CEBPZ: variants seen among roughly 807,000 people sequenced by gnomAD.
The protein encoded by CEBPZ is CCAAT enhancer binding protein zeta.
A neutral mutation model predicts 104.5 loss-of-function variants in CEBPZ; 78 were observed. The observed-to-expected ratio is 0.75, with a 90% CI of 0.62 to 0.90. CEBPZ has a LOEUF of 0.90. Ranked by LOEUF, CEBPZ falls within the 40% of genes least tolerant of loss-of-function variation. The pLI, the probability that CEBPZ is intolerant of heterozygous loss-of-function variation, is 0.00. For synonymous variants in CEBPZ, 470 were observed against 427.0 expected, an observed-to-expected ratio of 1.10 and a Z score of -1.24; for missense variants, 1,439 against 1,233.5, an observed-to-expected ratio of 1.17 and a Z score of -2.50.
chr2:37,209,052 A>AG (rs1677633467), intron 13 of CEBPZ: 1 of 125,698 alleles, frequency 8.0e-6, no homozygotes, highest in South Asian at 2.4e-4. Flanking sequence ...CCTGCCAAAA[A>AG]AAAAAAAAAT....
chr2:37,213,691 G>C, intron 10 of CEBPZ, 173 bp downstream of exon 10: 2 of 526,586 alleles, frequency 3.8e-6, no homozygotes, highest in Non-Finnish European at 6.6e-6. Flanking sequence ...TGGGATTACA[G>C]GTGTGAGCCA....
chr2:37,207,807 G>T (rs1677589269), intron 13 of CEBPZ, among the ~76,000 whole-genome samples: 1 of 152,020 alleles, frequency 6.6e-6, no homozygotes, highest in Non-Finnish European at 1.5e-5. Flanking sequence ...AAATATCAGA[G>T]CAGAACTAAA....
Position 37,228,347 on chromosome 2 carries a change from G to A in CEBPZ, c.846C>T (p.Cys282=), listed in dbSNP as rs1398929919. 1.2e-6 allele frequency: 2 copies of A among 1,614,168 alleles called. No individual in the cohort carries two copies. The highest frequency in any genetic ancestry group is 2.2e-5 in the East Asian group (1 of 44,890). ...LVKKKGSKQQ[C]LMALDTFKEL... Reference sequence around the variant, plus strand: ...CTTTGAAAGTATCCAAGGCCATAAGGCACTGCTGTTTGCTGCCCTTCTTTT... The same window carrying A: ...CTTTGAAAGTATCCAAGGCCATAAGACACTGCTGTTTGCTGCCCTTCTTTT... The change falls in exon 2 of 16, where the codon TGC becomes TGT. Residue 282 remains cysteine, a synonymous_variant. Transcript: ENST00000234170.
intron 4 of CEBPZ, among the ~76,000 whole-genome samples, chr2:37,220,689 A>G (rs149927239): frequency 2.0e-5 from 3 of 152,260 alleles, no homozygotes; most frequent in Admixed American, 6.5e-5. Context: ...TTTATCCCAA[A>G]CACCAAAAGC....
At chr2:37,211,576 A>G in intron 12 of CEBPZ, 1 of 360,094 alleles carries the variant, frequency 2.8e-6, no homozygotes, top group South Asian at 8.7e-5. Flanking sequence ...GCAGCATTTC[A>G]GCTCAACATG....
At position 37,202,874 on chromosome 2, in the gene CEBPZ, C is replaced by G. The variant is rs753932271; in HGVS notation, c.2944-9G>C. The stretch of plus-strand genomic sequence containing the variant: ...TCCAATAGATGGCCAAACTTTTAAA[C>G]AAAAACGATAAATTTATTAGAAAAC... On this transcript the variant is annotated splice_polypyrimidine_tract_variant and intron_variant, in intron 14 of 15. Coordinates refer to ENST00000234170, the MANE Select transcript of CEBPZ (RefSeq NM_005760.3). 6.3e-7 allele frequency: 1 copy of G among 1,596,104 alleles called. No homozygotes were observed. Among genetic ancestry groups the G allele is most frequent in the African/African-American group, 1.4e-5 (1 of 74,058 alleles).
chr2:37,226,699 T>C (rs1018473597), intron 2 of CEBPZ, among the ~76,000 whole-genome samples: 1 of 152,160 alleles, frequency 6.6e-6, no homozygotes, highest in South Asian at 2.1e-4. Context: ...AAGTCTAAGA[T>C]ACGAACCACT....
intron 13 of CEBPZ, 193 bp from the exon 14 acceptor site, chr2:37,203,201 C>T (rs1677365632): frequency 4.8e-6 from 2 of 419,624 alleles, no homozygotes. Context: ...AAGCTAACAA[C>T]ATCCTAATAG....
intron 13 of CEBPZ, chr2:37,210,075 A>G (rs1404444790): frequency 6.6e-6 from 1 of 152,216 alleles, no homozygotes; most frequent in Non-Finnish European, 1.5e-5. Flanking sequence ...CCACAGTGCA[A>G]TACCACCTTA....
chr2:37,215,173 G>A, intron 8 of CEBPZ: 1 of 427,306 alleles, frequency 2.3e-6, no homozygotes, highest in South Asian at 4.1e-5. Flanking sequence ...GCATAAAGTA[G>A]GCAGTACATA....
chr2:37,214,986 A>G, intron 8 of CEBPZ, 34 bp from the exon 9 acceptor site: 1 of 1,325,740 alleles, frequency 7.5e-7, no homozygotes. Flanking sequence ...TTAACTTCAT[A>G]TAGCAATCCC....
At chr2:37,223,544 AG>A (rs898948848) in intron 2 of CEBPZ, 143 bp from the exon 3 acceptor site, 65 of 685,960 alleles carry the variant, frequency 9.5e-5, no homozygotes, top group Non-Finnish European at 1.9e-5. Flanking sequence ...CTGCCCTAAG[AG>A]GTAAGATGGA....
At chr2:37,202,682 AAAAAAAAAAAGAAT>A in intron 15 of CEBPZ, 88 bp downstream of exon 15, 1 of 236,438 alleles carries the variant, frequency 4.2e-6, no homozygotes, top group Non-Finnish European at 7.5e-6. Flanking sequence ...AAAAAAAAAA[AAAAAAAAAAAGAAT>A]AAATAAAATA....
At chr2:37,214,565 A>G (rs1470288308) in intron 9 of CEBPZ, among the ~76,000 whole-genome samples, 1 of 152,204 alleles carries the variant, frequency 6.6e-6, no homozygotes, top group African/African-American at 2.4e-5. Context: ...AGCATAAAAC[A>G]AAATTTATAT....
chr2:37,205,143 C>G (rs1475957388), intron 13 of CEBPZ, among the ~76,000 whole-genome samples: 1 of 152,180 alleles, frequency 6.6e-6, no homozygotes, highest in Non-Finnish European at 1.5e-5. Context: ...AAGAAATTGA[C>G]AGCAGTATTT....
intron 2 of CEBPZ, among the ~76,000 whole-genome samples, chr2:37,223,992 C>A (rs1664826384): frequency 1.3e-5 from 2 of 152,224 alleles, no homozygotes; most frequent in African/African-American, 4.8e-5. Context: ...TGCATGTCCA[C>A]AGTATCCAAA....
At chr2:37,226,303 G>A (rs1473535795) in intron 2 of CEBPZ, among the ~76,000 whole-genome samples, 3 of 152,180 alleles carry the variant, frequency 2.0e-5, no homozygotes, top group Non-Finnish European at 4.4e-5. Flanking sequence ...CTGGAGAGCT[G>A]TTAAGAGGAT....
rs565448352 is a variant in CEBPZ at position 37,231,407 on chromosome 2, G to A, written c.156+5C>T. On this transcript the variant is annotated splice_donor_5th_base_variant and intron_variant, in intron 1 of 15. Coordinates refer to ENST00000234170, the MANE Select transcript of CEBPZ (RefSeq NM_005760.3). The stretch of plus-strand genomic sequence containing the variant: ...ATCCCGTTCCCCGGAGCCCGCGGCC[G>A]TTACCTTGGTGCCTCCGAGCCGTAA... 3 of 1,613,640 alleles carry A rather than the reference G, an allele frequency of 1.9e-6. No homozygotes were observed. In the African/African-American group the frequency reaches 4.0e-5, roughly 22 times the overall value.
rs751960514 is a variant in CEBPZ, at chr2:37,223,361, C to T, written c.1690G>A (p.Ala564Thr). ...DPGLMTCSKQ[A>T]MFLNLVYKSL... ...TTGTAGACAAGGTTAAGAAACATAG[C>T]TTGCTTGGAACACGTCATCAACCCT... The change falls in exon 3 of 16, where the codon GCT (alanine) becomes ACT (threonine). Residue 564 changes from alanine (A) to threonine (T), a missense_variant. Transcript: ENST00000234170. 2.5e-6 allele frequency: 4 copies of T among 1,614,032 alleles called. No individual in the cohort carries two copies. The African/African-American group carries it at 4.0e-5, about 16-fold the overall frequency.
Sources: allele counts gnomAD v4.1 joint callset (sites outside exome capture counted in the v4.1 genomes callset), GRCh38; gene constraint gnomAD v4.1.1; transcripts MANE v1.5; gene names NCBI Gene and HGNC (gene_info 2026-07-23, HGNC 2026-07-21).